Variants in NFX1 observed in about 807,000 individuals in gnomAD.
NFX1 encodes transcriptional repressor NF-X1.
NFX1 carries 69 observed loss-of-function variants against 137.2 expected under a neutral mutation model. That is an observed-to-expected ratio of 0.50 (90% confidence interval 0.41 to 0.61). The LOEUF is 0.61. Ranked by LOEUF, NFX1 falls within the 20% of genes least tolerant of loss-of-function variation. The pLI is 0.00. For missense variants in NFX1, 1,167 were observed against 1,391.0 expected (o/e 0.84, Z 2.56); for synonymous variants, 495 against 474.1 (o/e 1.04, Z -0.57).
At chr9:33,359,554 G>A (rs1823926149) in intron 19 of NFX1, among the ~76,000 whole-genome samples, 1 of 151,898 alleles carries the variant, frequency 6.6e-6, no homozygotes, top group Non-Finnish European at 1.5e-5. Flanking sequence ...AGCCGAGATG[G>A]CGCCACCACA....
intron 23 of NFX1, among the ~76,000 whole-genome samples, chr9:33,367,935 T>G (rs1288238369): frequency 6.6e-6 from 1 of 151,976 alleles, no homozygotes; most frequent in Non-Finnish European, 1.5e-5. Context: ...ATCGTGTAGT[T>G]AGGAATAGTT....
intron 7 of NFX1, among the ~76,000 whole-genome samples, chr9:33,314,288 C>G (rs1255264513): frequency 6.6e-6 from 1 of 151,906 alleles, no homozygotes; most frequent in Non-Finnish European, 1.5e-5. Flanking sequence ...CCTGGCCTAT[C>G]TAATTTAAAT....
intron 14 of NFX1, 81 bp from the exon 15 acceptor site, chr9:33,346,957 G>A (rs893553468): frequency 2.3e-5 from 24 of 1,060,556 alleles, no homozygotes; most frequent in South Asian, 3.4e-5. Flanking sequence ...GTTTCATGCC[G>A]TATGCCACTT....
At chr9:33,348,786 A>C (rs1361858819) in intron 15 of NFX1, 9 of 985,090 alleles carry the variant, frequency 9.1e-6, no homozygotes, top group Non-Finnish European at 1.1e-5. Flanking sequence ...GAAATACTCT[A>C]CCATTCTGGC....
Position 33,366,643 on chromosome 9 carries a change from G to A in NFX1, c.3054G>A (p.Lys1018=). Residue 1018 remains lysine, a synonymous_variant, in exon 22 of 24, where the codon AAG becomes AAA. Coordinates refer to ENST00000379540, the MANE Select transcript of NFX1 (RefSeq NM_002504.6). ...CCTCAATACAGGGAAAGAATAGTAA[G>A]AAAAGCCACAGCTTCCCTCCCATGA... The part of the protein sequence containing the change: ...VEAVNKGKNS[K]KSHSFPPMNR... The A allele has an allele frequency of 6.2e-7, 1 of 1,614,054 alleles. No homozygotes were observed. The highest frequency in any genetic ancestry group is 8.5e-7 in the Non-Finnish European group (1 of 1,180,036).
intron 19 of NFX1, among the ~76,000 whole-genome samples, chr9:33,362,795 C>T (rs971930539): frequency 1.3e-5 from 2 of 149,976 alleles, no homozygotes; most frequent in African/African-American, 4.9e-5. Flanking sequence ...GCTCTGCCTC[C>T]CGGGTTCAAG....
At chr9:33,294,046 T>C (rs1410987059) in intron 1 of NFX1, among the ~76,000 whole-genome samples, 1 of 152,248 alleles carries the variant, frequency 6.6e-6, no homozygotes. Context: ...TACACAATGC[T>C]ACTTTACTGT....
chr9:33,337,366 G>A (rs1823045135), intron 11 of NFX1, among the ~76,000 whole-genome samples: 1 of 152,124 alleles, frequency 6.6e-6, no homozygotes, highest in Non-Finnish European at 1.5e-5. Context: ...TAGGTTATAT[G>A]CAAATATTAT....
rs1324870562 is a variant in NFX1 at position 33,318,013 on chromosome 9, G to C, written c.1589-718G>C. On this transcript the variant is annotated intron_variant, in intron 7 of 23. Coordinates refer to ENST00000379540, the MANE Select transcript of NFX1 (RefSeq NM_002504.6). ...AAAAAAAAAAAAAATCTTCATTATA[G>C]TGAAACCTTTTGGTTCTGTTTAATG... Among the ~76,000 whole-genome samples the C allele has an allele frequency of 2.1e-5, 3 of 139,674 alleles. No homozygotes were observed. In the East Asian group the frequency reaches 6.4e-4, roughly 30 times the overall value. 91.6% of individuals were successfully genotyped at this position (139,674 alleles called of 152,430 possible).
intron 11 of NFX1, among the ~76,000 whole-genome samples, chr9:33,338,075 C>A (rs933995968): frequency 6.6e-6 from 1 of 150,632 alleles, no homozygotes; most frequent in Non-Finnish European, 1.5e-5. Context: ...AGCAAAAAGG[C>A]CAGGCGTGTT....
rs147789098 is a variant in NFX1, at chr9:33,369,908, A to C, written c.3293A>C (p.Asn1098Thr). 7.4e-6 allele frequency: 12 copies of C among 1,612,786 alleles called. No individual in the cohort carries two copies. In the Admixed American group the frequency reaches 1.0e-4, roughly 13 times the overall value. The change falls in exon 24 of 24, where the codon AAT becomes ACT. Residue 1098 changes from asparagine to threonine, a missense_variant and splice_region_variant. By Grantham distance (65) the Asn-to-Thr change is moderately conservative. Coordinates refer to ENST00000379540, the MANE Select transcript of NFX1 (RefSeq NM_002504.6). ...IPHHRHQSDK[N>T]PGSSNLQKIT... Reference sequence around the variant, plus strand: ...ATCATTCTTTGTTTGTTTTTCAGGAATCCTGGGAGCAGTAATTTACAGAAA... The same window carrying C: ...ATCATTCTTTGTTTGTTTTTCAGGACTCCTGGGAGCAGTAATTTACAGAAA...
chr9:33,292,899 A>G (rs571510119), intron 1 of NFX1, among the ~76,000 whole-genome samples: 13 of 152,178 alleles, frequency 8.5e-5, no homozygotes, highest in Non-Finnish European at 1.6e-4. Flanking sequence ...AACCATTCCA[A>G]CCTTTAAATT....
rs183075040 is a variant in NFX1 at position 33,367,766 on chromosome 9, G to A, written c.3290+147G>A. On this transcript the variant is annotated intron_variant, in intron 23 of 23. Transcript: ENST00000379540. ...GTTCAAATATGTAATGTTTAGTTAG[G>A]GTATCAGACACGTTTGTTCCCACCA... 2.4e-3 allele frequency: 1,644 copies of A among 676,138 alleles called. 2 individuals carry two copies. The highest frequency in any genetic ancestry group is 3.5e-3 in the Non-Finnish European group (1,401 of 399,246). 41.9% of individuals were successfully genotyped at this position (676,138 alleles called of 1,614,324 possible). A position where few individuals can be genotyped will look rare whatever the true frequency, so the allele number is the denominator to read the frequency against.
chr9:33,308,114 C>T (rs1821826529), intron 5 of NFX1, among the ~76,000 whole-genome samples: 1 of 152,096 alleles, frequency 6.6e-6, no homozygotes. Context: ...CATAGGATGT[C>T]AGTCTTTTCC....
intron 11 of NFX1, among the ~76,000 whole-genome samples, chr9:33,336,806 A>G (rs58583054): frequency 6.6e-6 from 1 of 152,182 alleles, no homozygotes; most frequent in Admixed American, 6.5e-5. Flanking sequence ...CTTAATTTTT[A>G]AAAGTTTTTC....
chr9:33,318,703 G>A (rs748492217), intron 7 of NFX1, 28 bp from the exon 8 acceptor site: 44 of 1,594,426 alleles, frequency 2.8e-5, no homozygotes, highest in South Asian at 2.3e-4. Flanking sequence ...TGTTACTAAC[G>A]TTTTGTTTTT....
At chr9:33,324,731 T>C (rs1324643484) in intron 9 of NFX1, among the ~76,000 whole-genome samples, 2 of 151,360 alleles carry the variant, frequency 1.3e-5, no homozygotes, top group Admixed American at 6.6e-5. Flanking sequence ...ATCGAGACCA[T>C]CCTGGCTAAC....
chr9:33,347,755 A>G (rs756184485), intron 15 of NFX1: 3 of 348,324 alleles, frequency 8.6e-6, no homozygotes, highest in South Asian at 4.5e-5. Flanking sequence ...ACAATTCACA[A>G]TTGCAAAAAT....
chr9:33,298,956 AT>A (rs1821456146), intron 2 of NFX1, among the ~76,000 whole-genome samples: 1 of 152,194 alleles, frequency 6.6e-6, no homozygotes, highest in South Asian at 2.1e-4. Context: ...TGGAAGGAAG[AT>A]TTTATGCCTG....
Sources: gnomAD v4.1 joint callset for allele counts (sites outside exome capture counted in the v4.1 genomes callset) on GRCh38, gnomAD v4.1.1 for gene constraint, MANE v1.5 for transcripts, NCBI Gene and HGNC (gene_info 2026-07-23, HGNC 2026-07-21) for gene names.